EIF4E3: variants seen among roughly 807,000 people sequenced by gnomAD.
The protein encoded by EIF4E3 is eukaryotic translation initiation factor 4E type 3.
Under a neutral mutation model 31.7 loss-of-function variants are expected in EIF4E3, and 26 were observed. The observed-to-expected ratio is 0.82, with a 90% CI of 0.60 to 1.14. EIF4E3 has a LOEUF of 1.14. Among genes scored for constraint, EIF4E3 ranks in the 50% most tolerant of loss-of-function variants. The probability of loss-of-function intolerance (pLI) is 0.00; values close to 1 mark genes in which losing one functional copy is unlikely to be tolerated. For missense variants in EIF4E3, 304 were observed against 270.9 expected (o/e 1.12, Z -0.86); for synonymous variants, 128 against 107.7 (o/e 1.19, Z -1.17).
chr3:71,689,722 G>A (rs762506521), intron 6 of EIF4E3, among the ~76,000 whole-genome samples: 1 of 151,506 alleles, frequency 6.6e-6, no homozygotes, highest in Admixed American at 6.6e-5. Context: ...TTTTTTCTGA[G>A]AATTACAAAT....
the EIF4E3 span, among the ~76,000 whole-genome samples, chr3:71,668,979 A>T: frequency 6.6e-6 from 1 of 152,192 alleles, no homozygotes; most frequent in Non-Finnish European, 1.5e-5. Context: ...ACAATAGCAA[A>T]AACTTGGTAC....
intron 2 of EIF4E3, among the ~76,000 whole-genome samples, chr3:71,708,935 C>T (rs2049334652): frequency 6.6e-6 from 1 of 152,192 alleles, no homozygotes; most frequent in African/African-American, 2.4e-5. Flanking sequence ...GTCATTTCCC[C>T]AACGACACCA....
chr3:71,738,569 A>G (rs1001479205), intron 1 of EIF4E3, among the ~76,000 whole-genome samples: 2 of 152,190 alleles, frequency 1.3e-5, no homozygotes, highest in African/African-American at 2.4e-5. Flanking sequence ...AGAGAAGGAC[A>G]TTACATAATT....
In EIF4E3 at chr3:71,725,053, G is replaced by A; in HGVS notation, c.176+139C>T. On this transcript the variant is annotated intron_variant, in intron 1 of 6. Coordinates refer to ENST00000425534, the MANE Select transcript of EIF4E3 (RefSeq NM_001134651.2). The surrounding 1 kb of genome is among the most constrained non-coding windows in gnomAD (Gnocchi z 6.1). ...GACCCGGCGGGGCGAGTCCCGGGGT[G>A]CGCAGGCGGACGCGCGGAGGGGCCG... 1.6e-6 allele frequency: 1 copy of A among 640,998 alleles called. No homozygotes were observed. The allele number at this position is 640,998 out of a possible 1,614,324, so 39.7% of individuals were successfully genotyped here.
chr3:71,707,008 A>T (rs2108067819), intron 2 of EIF4E3, among the ~76,000 whole-genome samples: 1 of 152,356 alleles, frequency 6.6e-6, no homozygotes, highest in African/African-American at 2.4e-5. Context: ...AAATATCTTT[A>T]CATACACCTC....
At chr3:71,703,787 CA>C (rs1485104024) in intron 2 of EIF4E3, among the ~76,000 whole-genome samples, 4 of 33,838 alleles carry the variant, frequency 1.2e-4, no homozygotes. Flanking sequence ...AAACCAGAAA[CA>C]AAACCACCCA....
At chr3:71,721,338 G>A (rs2049545100) in intron 1 of EIF4E3, among the ~76,000 whole-genome samples, 1 of 152,220 alleles carries the variant, frequency 6.6e-6, no homozygotes, top group African/African-American at 2.4e-5. Flanking sequence ...TTACATCCTA[G>A]TGGGAGAAGA....
rs1302063193 is a variant in EIF4E3, at chr3:71,676,397, G to A, written c.*8285C>T. ...ATTTCTTGGCCTGCTGTTATAGAGT[G>A]TTCTCCTTGTAACAATTCAGTAAGT... On this transcript the variant is annotated 3_prime_UTR_variant, in exon 7 of 7. Transcript: ENST00000425534. 6.6e-6 allele frequency: 1 copy of A among 152,110 alleles called. No individual in the cohort carries two copies. Among genetic ancestry groups the A allele is most frequent in the Non-Finnish European group, 1.5e-5 (1 of 68,012 alleles). The allele number at this position is 152,110 out of a possible 1,614,324, so 9.4% of individuals were successfully genotyped here.
intron 1 of EIF4E3, among the ~76,000 whole-genome samples, chr3:71,723,224 C>T (rs904670380): frequency 6.6e-6 from 1 of 152,134 alleles, no homozygotes; most frequent in Admixed American, 6.5e-5. Flanking sequence ...ACTTCTAGAT[C>T]ATAATGTGTT....
At chr3:71,700,181 A>G (rs929465991) in intron 2 of EIF4E3, among the ~76,000 whole-genome samples, 1 of 152,172 alleles carries the variant, frequency 6.6e-6, no homozygotes, top group Non-Finnish European at 1.5e-5. Flanking sequence ...GCCTCAAAAA[A>G]ACAAAAACAA....
At chr3:71,691,657 T>C (rs1450712542) in intron 5 of EIF4E3, among the ~76,000 whole-genome samples, 1 of 152,208 alleles carries the variant, frequency 6.6e-6, no homozygotes, top group East Asian at 1.9e-4. Flanking sequence ...TGTGAATATT[T>C]ATCAAACTGT....
chr3:71,660,077 A>G, the EIF4E3 span, among the ~76,000 whole-genome samples: 1 of 152,218 alleles, frequency 6.6e-6, no homozygotes, highest in Non-Finnish European at 1.5e-5. Context: ...GTCAGTATGT[A>G]TGCTCATTGC....
the EIF4E3 span, among the ~76,000 whole-genome samples, chr3:71,669,625 A>G: frequency 6.6e-6 from 1 of 151,998 alleles, no homozygotes; most frequent in East Asian, 1.9e-4. Context: ...ATGCATTTTT[A>G]TGGGCAGAAA....
chr3:71,676,507 A>G lies in EIF4E3; in HGVS notation c.*8175T>C, dbSNP rs1430654250. 1 of 152,234 alleles carries G rather than the reference A, an allele frequency of 6.6e-6. No individual in the cohort carries two copies. The highest frequency in any genetic ancestry group is 1.5e-5 in the Non-Finnish European group (1 of 68,040). The allele number at this position is 152,234 out of a possible 1,614,324, so 9.4% of individuals were successfully genotyped here. A position where few individuals can be genotyped will look rare whatever the true frequency, so the allele number is the denominator to read the frequency against. On this transcript the variant is annotated 3_prime_UTR_variant, in exon 7 of 7. Transcript: ENST00000425534. Reference sequence around the variant, plus strand: ...AACCTTTGTTTCATTTCATAAAACAAAATCAGTGAGTACATAAGTTATACT... The same window carrying G: ...AACCTTTGTTTCATTTCATAAAACAGAATCAGTGAGTACATAAGTTATACT...
chr3:71,752,357 T>G (rs368190168), intron 1 of EIF4E3, among the ~76,000 whole-genome samples: 1 of 152,184 alleles, frequency 6.6e-6, no homozygotes, highest in African/African-American at 2.4e-5. Context: ...GCCAGAATAA[T>G]GTTCCTGGAG....
At chr3:71,712,611 C>A in intron 1 of EIF4E3, among the ~76,000 whole-genome samples, 1 of 94,566 alleles carries the variant, frequency 1.1e-5, no homozygotes, top group African/African-American at 4.8e-5. Flanking sequence ...GGGCTTCTTC[C>A]CTATGTGTGT....
chr3:71,728,785 C>G (rs2049669533), upstream of EIF4E3: 1 of 152,398 alleles, frequency 6.6e-6, no homozygotes, highest in Admixed American at 6.5e-5. Context: ...CCCTGACAAG[C>G]TCCCTAGGCA....
At chr3:71,692,863 G>C (rs1219899556) in intron 5 of EIF4E3, among the ~76,000 whole-genome samples, 1 of 152,106 alleles carries the variant, frequency 6.6e-6, no homozygotes, top group Non-Finnish European at 1.5e-5. Context: ...CCAAAGTGCT[G>C]GGATTACAGT....
the EIF4E3 span, among the ~76,000 whole-genome samples, chr3:71,665,274 C>CT: frequency 6.6e-6 from 1 of 152,186 alleles, no homozygotes; most frequent in Non-Finnish European, 1.5e-5. Context: ...CAAGGATCAG[C>CT]TGGTCTTGGT....
Sources: gnomAD v4.1 joint callset for allele counts (sites outside exome capture counted in the v4.1 genomes callset) on GRCh38, gnomAD v4.1.1 for gene constraint, Gnocchi (gnomAD v3.1) non-coding constraint, MANE v1.5 for transcripts, NCBI Gene and HGNC (gene_info 2026-07-23, HGNC 2026-07-21) for gene names.